The following CFAP251 variants were observed in gnomAD, a reference collection of about 807,000 sequenced individuals.
The protein encoded by CFAP251 is cilia and flagella associated protein 251.
A neutral mutation model predicts 126.7 loss-of-function variants in CFAP251; 93 were observed. The ratio of observed to expected loss-of-function variants is 0.73; its 90% confidence interval spans 0.62 to 0.87. The LOEUF (loss-of-function observed/expected upper bound fraction) is 0.87, where lower values mean the gene tolerates loss of function less well. CFAP251 is among the 40% of genes least tolerant of loss of function. CFAP251 has a pLI of 0.00. For synonymous variants in CFAP251, 503 were observed against 506.9 expected (o/e 0.99, Z 0.10); for missense variants, 1,287 against 1,389.2 (o/e 0.93, Z 1.17).
chr12:121,929,986 C>CT (rs1336714521), intron 3 of CFAP251, among the ~76,000 whole-genome samples: 5 of 108,022 alleles, frequency 4.6e-5, no homozygotes, highest in African/African-American at 2.7e-4. Context: ...CCACACTGAT[C>CT]TTTTTATTGT....
rs768624426 is a variant in CFAP251 at position 121,921,364 on chromosome 12, T to A, written c.59T>A (p.Met20Lys). Residue 20 changes from methionine (M) to lysine (K), a missense_variant, in exon 2 of 22, where the codon ATG (methionine) becomes AAG (lysine). Met to Lys is a moderately conservative substitution (Grantham distance 95). Coordinates refer to ENST00000288912, the MANE Select transcript of CFAP251 (RefSeq NM_144668.6). Reference sequence around the variant, plus strand: ...ACAGGAGAAAATGGAGAAACAGAAATGAAAGAAGAGGAGGAACCTAATCCA... The same window carrying A: ...ACAGGAGAAAATGGAGAAACAGAAAAGAAAGAAGAGGAGGAACCTAATCCA... Reference protein sequence around the residue: ...EATGENGETEMKEEEEPNPNY... With the variant: ...EATGENGETEKKEEEEPNPNY... The A allele has an allele frequency of 4.5e-6, 7 of 1,568,234 alleles. No individual in the cohort carries two copies. The highest frequency in any genetic ancestry group is 1.2e-5 in the South Asian group (1 of 84,238).
rs1880305328 is a variant in CFAP251, at chr12:121,924,111, G to C, written c.747+121G>C. On this transcript the variant is annotated intron_variant, in intron 3 of 21. Transcript: ENST00000288912. Reference sequence around the variant, plus strand: ...AAGGATACTTTTTAAACTAATAATAGACTTGTGTTTTTTTTTTTAAGACAG... The same window carrying C: ...AAGGATACTTTTTAAACTAATAATACACTTGTGTTTTTTTTTTTAAGACAG... The C allele has an allele frequency of 2.2e-5, 28 of 1,260,708 alleles. No individual in the cohort carries two copies. In the South Asian group the frequency reaches 4.3e-4, roughly 19 times the overall value. The allele number at this position is 1,260,708 out of a possible 1,614,324, so 78.1% of individuals were successfully genotyped here. A position where few individuals can be genotyped will look rare whatever the true frequency, so the allele number is the denominator to read the frequency against.
chr12:121,970,360 G>C (rs994376780), intron 17 of CFAP251, among the ~76,000 whole-genome samples: 1 of 152,116 alleles, frequency 6.6e-6, no homozygotes, highest in African/African-American at 2.4e-5. Flanking sequence ...GCTCAGCCAA[G>C]AGCAGAGAGA....
chr12:121,957,860 C>G (rs1881783911), intron 11 of CFAP251, among the ~76,000 whole-genome samples: 1 of 152,100 alleles, frequency 6.6e-6, no homozygotes, highest in African/African-American at 2.4e-5. Context: ...TGAGCTTGTC[C>G]TAGCCACTGC....
intron 5 of CFAP251, among the ~76,000 whole-genome samples, chr12:121,938,266 C>G (rs556858178): frequency 4.0e-4 from 61 of 152,064 alleles, no homozygotes; most frequent in Admixed American, 3.5e-3. Flanking sequence ...CTTGGCCTCC[C>G]GAAGTACTGG....
chr12:121,947,245 C>A (rs1678952), intron 7 of CFAP251, among the ~76,000 whole-genome samples: 94,401 of 151,934 alleles, frequency 0.62, 31,948 homozygotes, highest in Non-Finnish European at 0.77. Context: ...GTTAAACTGT[C>A]TATTAAGCAT....
At chr12:121,970,889 A>T (rs150763158) in intron 17 of CFAP251, among the ~76,000 whole-genome samples, 18 of 152,264 alleles carry the variant, frequency 1.2e-4, no homozygotes, top group African/African-American at 4.3e-4. Flanking sequence ...TATAGCTCTC[A>T]CCACAGAGAG....
chr12:122,001,405 C>A (rs1380608032), intron 20 of CFAP251, 92 bp from the exon 21 acceptor site: 4 of 1,170,576 alleles, frequency 3.4e-6, no homozygotes, highest in Admixed American at 1.8e-5. Flanking sequence ...TGGGATAATT[C>A]TCTTTAAGAC....
chr12:121,983,396 CAAAA>C (rs10713983), intron 19 of CFAP251, among the ~76,000 whole-genome samples: 1 of 69,914 alleles, frequency 1.4e-5, no homozygotes, highest in Non-Finnish European at 3.1e-5. Flanking sequence ...CATAGCTCTC[CAAAA>C]AAAAAAAAAA....
chr12:121,921,592 C>CCA lies in CFAP251; in HGVS notation c.290_291dup (p.Val98GlnfsTer2). 6.2e-7 allele frequency: 1 copy of CCA among 1,614,074 alleles called. No homozygotes were observed. The highest frequency in any genetic ancestry group is 8.5e-7 in the Non-Finnish European group (1 of 1,180,020). On this transcript the variant is annotated frameshift_variant, in exon 2 of 22. Coordinates refer to ENST00000288912, the MANE Select transcript of CFAP251 (RefSeq NM_144668.6). LOFTEE classifies it high-confidence loss of function. ...GAGGCTTCAGGAATACAGGAAGAAA[C>CCA]CACAGTAGAGCCCCAAGAAGTCACA...
chr12:121,994,974 AAAAT>A (rs1300052166), intron 19 of CFAP251, among the ~76,000 whole-genome samples: 3 of 152,050 alleles, frequency 2.0e-5, no homozygotes, highest in Non-Finnish European at 4.4e-5. Context: ...AATTAAAAAA[AAAAT>A]AATAATCACA....
intron 10 of CFAP251, among the ~76,000 whole-genome samples, chr12:121,954,636 TAA>T (rs1174239421): frequency 0.059 from 2,436 of 41,640 alleles, 46 homozygotes; most frequent in East Asian, 0.2. Flanking sequence ...CCTCCTGTCT[TAA>T]AAAAAAAAAA....
At chr12:121,959,490 C>A (rs190183276) in intron 13 of CFAP251, 51 of 163,104 alleles carry the variant, frequency 3.1e-4, no homozygotes, top group Non-Finnish European at 5.0e-4. Context: ...CACACTGGTG[C>A]GGCCACTCCT....
At position 121,989,140 on chromosome 12, in the gene CFAP251, A is replaced by T. The variant is rs189106262; in HGVS notation, c.3007-10576A>T. ...TGGACACAGAATTAGCAAATCCTTG[A>T]TTGTGGGTTTGGTACAAGGTGCAAG... On this transcript the variant is annotated intron_variant, in intron 19 of 21. Transcript: ENST00000288912. The surrounding 1 kb of genome is among the most constrained non-coding windows in gnomAD (Gnocchi z 4.2). 2.4e-4 allele frequency among the ~76,000 whole-genome samples: 36 copies of T among 152,256 alleles called. 1 individual carries two copies. Among genetic ancestry groups the T allele is most frequent in the African/African-American group, 8.7e-4 (36 of 41,534 alleles).
At position 121,999,818 on chromosome 12, in the gene CFAP251, C is replaced by G. The variant is rs374391554; in HGVS notation, c.3109C>G (p.His1037Asp). 63 of 1,613,980 alleles carry G rather than the reference C, an allele frequency of 3.9e-5. No homozygotes were observed. The highest frequency in any genetic ancestry group is 5.3e-5 in the Non-Finnish European group (63 of 1,180,012). Residue 1037 changes from histidine to aspartate, a missense_variant, in exon 20 of 22, where the codon CAC becomes GAC. Transcript: ENST00000288912. The part of the protein sequence containing the change: ...LPDFLKVYLN[H>D]KPPFGNTMSG... ...AGATTTCCTAAAAGTGTACCTTAAC[C>G]ACAAGCCACCTTTTGGTAACACCAT...
At chr12:121,920,802 G>T (rs1441300588) in intron 1 of CFAP251, among the ~76,000 whole-genome samples, 3 of 152,120 alleles carry the variant, frequency 2.0e-5, no homozygotes, top group Non-Finnish European at 4.4e-5. Flanking sequence ...AAAGTGTTGG[G>T]ATTACAGGCG....
chr12:121,957,675 G>A (rs1407373347), intron 11 of CFAP251, among the ~76,000 whole-genome samples: 2 of 138,112 alleles, frequency 1.4e-5, no homozygotes, highest in Non-Finnish European at 3.0e-5. Context: ...CTCTACTCCA[G>A]CCTGGGCGAC....
chr12:122,001,795 C>T (rs148101272), intron 21 of CFAP251, 197 bp downstream of exon 21: 9,577 of 590,672 alleles, frequency 0.016, 128 homozygotes, highest in Non-Finnish European at 0.019. Context: ...GCGCTCTGTC[C>T]GTCCTTTTGT....
chr12:121,935,427 A>G (rs1291420196), intron 5 of CFAP251, among the ~76,000 whole-genome samples: 1 of 152,222 alleles, frequency 6.6e-6, no homozygotes, highest in African/African-American at 2.4e-5. Context: ...ATGAACCAAT[A>G]TTGACACATT....
Sources: allele counts gnomAD v4.1 joint callset (sites outside exome capture counted in the v4.1 genomes callset), GRCh38; gene constraint gnomAD v4.1.1; non-coding constraint Gnocchi (gnomAD v3.1); transcripts MANE v1.5; gene names NCBI Gene and HGNC (gene_info 2026-07-23, HGNC 2026-07-21).